The following ZNF506 variants were observed in gnomAD, a reference collection of about 807,000 sequenced individuals.
ZNF506 encodes the protein zinc finger protein 506.
A neutral mutation model predicts 11.6 loss-of-function variants in ZNF506; 10 were observed. That is an observed-to-expected ratio of 0.86 (90% CI 0.53 to 1.46). ZNF506 has a LOEUF of 1.46. Ranked by LOEUF, ZNF506 falls within the 40% of genes most tolerant of loss-of-function variation. The pLI, the probability that ZNF506 is intolerant of heterozygous loss-of-function variation, is 0.00. For missense variants in ZNF506, 425 were observed against 521.2 expected (o/e 0.82, Z 1.80); for synonymous variants, 156 against 173.3 (o/e 0.90, Z 0.78).
At chr19:19,807,799 C>T (rs911562267) in intron 1 of ZNF506, among the ~76,000 whole-genome samples, 12 of 151,822 alleles carry the variant, frequency 7.9e-5, no homozygotes, top group South Asian at 2.1e-4. Flanking sequence ...TGAGCCACCG[C>T]GCCCGGTCAA....
rs535128564 is a variant in ZNF506 at position 19,799,614 on chromosome 19, T to G, written c.227-3954A>C. 1.4e-4 allele frequency among the ~76,000 whole-genome samples: 21 copies of G among 152,216 alleles called. No individual in the cohort carries two copies. In the South Asian group the frequency reaches 4.4e-3, roughly 32 times the overall value. On this transcript the variant is annotated intron_variant, in intron 3 of 3. Coordinates refer to ENST00000540806, the MANE Select transcript of ZNF506 (RefSeq NM_001099269.3). Reference sequence around the variant, plus strand: ...CAATACACTCTTGAGCATGCACTTGTTGAAATAAACTTGGCTGGGTGCGGT... The same window carrying G: ...CAATACACTCTTGAGCATGCACTTGGTGAAATAAACTTGGCTGGGTGCGGT...
intron 1 of ZNF506, among the ~76,000 whole-genome samples, chr19:19,811,232 T>C (rs2062880376): frequency 6.6e-6 from 1 of 152,204 alleles, no homozygotes; most frequent in African/African-American, 2.4e-5. Context: ...CGATCTCGGC[T>C]CACTGCAACC....
rs2062704371 is a variant in ZNF506 at position 19,792,732 on chromosome 19, A to C, written c.*1820T>G. ...CCCCCACTTTTTAAAAATCTTTATT[A>C]ATAAAGTAATTCATTATAATTTTTG... On this transcript the variant is annotated 3_prime_UTR_variant, in exon 4 of 4. Transcript: ENST00000540806. Among the ~76,000 whole-genome samples the C allele has an allele frequency of 7.1e-6, 1 of 141,680 alleles. No individual in the cohort carries two copies. Among genetic ancestry groups the C allele is most frequent in the South Asian group, 2.3e-4 (1 of 4,334 alleles). 92.9% of individuals were successfully genotyped at this position (141,680 alleles called of 152,430 possible). A position where few individuals can be genotyped will look rare whatever the true frequency, so the allele number is the denominator to read the frequency against.
rs1317535338 is a variant in ZNF506, at chr19:19,793,216, GATTC to G, written c.*1332_*1335del. On this transcript the variant is annotated 3_prime_UTR_variant, in exon 4 of 4. Transcript: ENST00000540806. ...ATATACAAAAACAGCTTTAGTTGTG[GATTC>G]ATTTTTATACTCAATACTCTGATTT... 6.6e-6 allele frequency among the ~76,000 whole-genome samples: 1 copy of G among 152,086 alleles called. No homozygotes were observed. Among genetic ancestry groups the G allele is most frequent in the Non-Finnish European group, 1.5e-5 (1 of 67,992 alleles).
chr19:19,817,386 T>G (rs534121661), intron 1 of ZNF506, among the ~76,000 whole-genome samples: 1 of 152,180 alleles, frequency 6.6e-6, no homozygotes, highest in Non-Finnish European at 1.5e-5. Flanking sequence ...TTAGTTGGTA[T>G]TTCCTCTCGT....
chr19:19,812,519 T>A (rs2145199805), intron 1 of ZNF506, among the ~76,000 whole-genome samples: 1 of 152,378 alleles, frequency 6.6e-6, no homozygotes, highest in Non-Finnish European at 1.5e-5. Flanking sequence ...CCTTGATCTC[T>A]CACTACAGAT....
intron 3 of ZNF506, chr19:19,796,043 G>A (rs2062737628): frequency 8.5e-6 from 2 of 236,072 alleles, no homozygotes; most frequent in East Asian, 2.1e-4. Flanking sequence ...CAGCACTCCG[G>A]GAGGCTGAGG....
intron 3 of ZNF506, among the ~76,000 whole-genome samples, chr19:19,801,414 G>C (rs2062791323): frequency 6.6e-6 from 1 of 151,630 alleles, no homozygotes; most frequent in African/African-American, 2.4e-5. Flanking sequence ...AGAATCGCTT[G>C]AACCCAGGAG....
At chr19:19,795,720 C>G in intron 3 of ZNF506, 60 bp from the exon 4 acceptor site, 2 of 1,389,358 alleles carry the variant, frequency 1.4e-6, no homozygotes, top group Non-Finnish European at 1.9e-6. Context: ...ATATACTTCA[C>G]AAATCTAACC....
intron 3 of ZNF506, chr19:19,798,473 C>A (rs1361813770): frequency 6.7e-6 from 1 of 148,504 alleles, no homozygotes; most frequent in Non-Finnish European, 1.5e-5. Flanking sequence ...ACGGTGAAAC[C>A]CCGTCTCTAT....
intron 1 of ZNF506, among the ~76,000 whole-genome samples, chr19:19,814,865 A>G (rs1255321481): frequency 6.6e-6 from 1 of 152,142 alleles, no homozygotes; most frequent in Non-Finnish European, 1.5e-5. Context: ...GATGGTGGAG[A>G]AAACAGGTTG....
In ZNF506 at chr19:19,794,653, G is replaced by C; in HGVS notation, c.1234C>G (p.Leu412Val). 2 of 1,613,868 alleles carry C rather than the reference G, an allele frequency of 1.2e-6. No individual in the cohort carries two copies. Among genetic ancestry groups the C allele is most frequent in the South Asian group, 1.1e-5 (1 of 91,038 alleles). The change falls in exon 4 of 4, where the codon CTT (leucine) becomes GTT (valine). Residue 412 changes from leucine (L) to valine (V), a missense_variant. By Grantham distance (32) the Leu-to-Val change is conservative. Around this residue, in one of 3 missense-constraint regions of ZNF506, gnomAD observed 192 missense variants for 215.7 expected, o/e 0.89. Transcript: ENST00000540806. ...CGKAFNWSSA[L>V]NKHKKIHIRQ... is the part of the protein sequence containing the mutation. ...ATATGAATTTTCTTATGTTTATTAAGGGCTGAGGACCAGTTAAAAGCTTTG... is the reference window on the plus strand; with the variant it reads ...ATATGAATTTTCTTATGTTTATTAACGGCTGAGGACCAGTTAAAAGCTTTG...
chr19:19,814,134 T>C (rs1345623321), intron 1 of ZNF506, among the ~76,000 whole-genome samples: 1 of 151,760 alleles, frequency 6.6e-6, no homozygotes, highest in Non-Finnish European at 1.5e-5. Context: ...AGAGGCTGCG[T>C]GTGATTGCTT....
chr19:19,810,494 T>C (rs1351523748), intron 1 of ZNF506, among the ~76,000 whole-genome samples: 2 of 152,218 alleles, frequency 1.3e-5, no homozygotes, highest in African/African-American at 2.4e-5. Flanking sequence ...GGTTTAATAA[T>C]TTCCAGGATG....
Position 19,807,936 on chromosome 19 carries a change from G to C in ZNF506, c.4-868C>G, listed in dbSNP as rs199753692. 1.3e-4 allele frequency among the ~76,000 whole-genome samples: 20 copies of C among 151,900 alleles called. No individual in the cohort carries two copies. The East Asian group carries it at 3.5e-3, about 26-fold the overall frequency. ...CCACATTTTCTAGCCTATAAACAAA[G>C]AGCCCTCATTTATCAAAGAAAATAT... On this transcript the variant is annotated intron_variant, in intron 1 of 3. Coordinates refer to ENST00000540806, the MANE Select transcript of ZNF506 (RefSeq NM_001099269.3).
rs746409452 is a variant in ZNF506, at chr19:19,795,592, T to C, written c.295A>G (p.Ile99Val). 1 of 1,568,714 alleles carries C rather than the reference T, an allele frequency of 6.4e-7. No individual in the cohort carries two copies. Among genetic ancestry groups the C allele is most frequent in the South Asian group, 1.2e-5 (1 of 82,420 alleles). The change falls in exon 4 of 4, where the codon ATA (isoleucine) becomes GTA (valine). Residue 99 changes from isoleucine (I) to valine (V), a missense_variant. Physicochemically the swap from Ile to Val is conservative, Grantham distance 29. Transcript: ENST00000540806. ...CTACATTTTTCATATCTTCTTAGTA[T>C]CACTTTTTGGAAAGAATCTTTTATG... ...QSIKDSFQKV[I>V]LRRYEKCRHD...
chr19:19,811,250 C>G lies in ZNF506; in HGVS notation c.4-4182G>C, dbSNP rs762530506. Among the ~76,000 whole-genome samples, 44 of 152,156 alleles carry G rather than the reference C, an allele frequency of 2.9e-4. 1 individual carries two copies. The highest frequency in any genetic ancestry group is 8.3e-4 in the South Asian group (4 of 4,826). Reference sequence around the variant, plus strand: ...TCTCGGCTCACTGCAACCTCTGCCTCCCAGATTCAAGTGAATCTTCTGCCT... The same window carrying G: ...TCTCGGCTCACTGCAACCTCTGCCTGCCAGATTCAAGTGAATCTTCTGCCT... On this transcript the variant is annotated intron_variant, in intron 1 of 3. Coordinates refer to ENST00000540806, the MANE Select transcript of ZNF506 (RefSeq NM_001099269.3).
chr19:19,806,024 C>T lies in ZNF506; in HGVS notation c.226+7G>A. The T allele has an allele frequency of 6.2e-7, 1 of 1,602,496 alleles. No homozygotes were observed. Among genetic ancestry groups the T allele is most frequent in the East Asian group, 2.3e-5 (1 of 44,352 alleles). Reference sequence around the variant, plus strand: ...TGTCTGTCCTATTCATTTTCACTCGCACCTACCTGGGGGTTTGGCAATCAT... The same window carrying T: ...TGTCTGTCCTATTCATTTTCACTCGTACCTACCTGGGGGTTTGGCAATCAT... On this transcript the variant is annotated splice_region_variant and intron_variant, in intron 3 of 3. Coordinates refer to ENST00000540806, the MANE Select transcript of ZNF506 (RefSeq NM_001099269.3).
chr19:19,819,495 G>A (rs1263537024), intron 1 of ZNF506, among the ~76,000 whole-genome samples: 1 of 152,008 alleles, frequency 6.6e-6, no homozygotes, highest in African/African-American at 2.4e-5. Context: ...AATGACCCAA[G>A]AGCTAACAGT....
Sources: gnomAD v4.1 joint callset for allele counts (sites outside exome capture counted in the v4.1 genomes callset) on GRCh38, gnomAD v4.1.1 for gene constraint, gnomAD v4.1.1 regional missense constraint, MANE v1.5 for transcripts, NCBI Gene and HGNC (gene_info 2026-07-23, HGNC 2026-07-21) for gene names.